The following TOM1L1 variants were observed in gnomAD, a reference collection of about 807,000 sequenced individuals.
TOM1L1 encodes TOM1-like protein 1.
In TOM1L1, 64 loss-of-function variants were observed where a neutral mutation model predicts 63.4. That is an observed-to-expected ratio of 1.01 (90% CI 0.83 to 1.24). TOM1L1 has a LOEUF of 1.24. Ranked by LOEUF, TOM1L1 falls within the 50% of genes most tolerant of loss-of-function variation. TOM1L1 has a pLI of 0.00. For missense variants in TOM1L1, 536 were observed against 567.0 expected (o/e 0.95, Z 0.55); for synonymous variants, 166 against 194.4 (o/e 0.85, Z 1.22).
intron 14 of TOM1L1, 39 bp from the exon 15 acceptor site, chr17:54,960,527 T>C (rs759020598): frequency 2.4e-5 from 37 of 1,561,132 alleles, no homozygotes; most frequent in Non-Finnish European, 2.9e-5. Flanking sequence ...CACTTTGAAA[T>C]TGATACATAA....
At position 54,913,777 on chromosome 17, in the gene TOM1L1, G is replaced by T; in HGVS notation, c.402G>T (p.Val134=). ...KTWSQGFPGG[V]DVSEVKEVYL... Reference sequence around the variant, plus strand: ...GGTCACAGGGCTTCCCAGGAGGTGTGGATGTAAGCGAAGTCAAAGAAGTAT... The same window carrying T: ...GGTCACAGGGCTTCCCAGGAGGTGTTGATGTAAGCGAAGTCAAAGAAGTAT... The change falls in exon 5 of 16, where the codon GTG becomes GTT. Residue 134 remains valine, a synonymous_variant. Coordinates refer to ENST00000575882, the MANE Select transcript of TOM1L1 (RefSeq NM_005486.3). 1 of 1,611,592 alleles carries T rather than the reference G, an allele frequency of 6.2e-7. No individual in the cohort carries two copies. The highest frequency in any genetic ancestry group is 1.1e-5 in the South Asian group (1 of 91,028).
chr17:54,903,618 C>A, intron 1 of TOM1L1, 90 bp from the exon 2 acceptor site: 2 of 1,168,974 alleles, frequency 1.7e-6, no homozygotes, highest in African/African-American at 1.5e-5. Flanking sequence ...CTTAATGACA[C>A]TTGCTGGTGC....
At chr17:54,929,980 A>C (rs1198517916) in intron 7 of TOM1L1, 93 bp from the exon 8 acceptor site, 1 of 1,507,346 alleles carries the variant, frequency 6.6e-7, no homozygotes, top group Non-Finnish European at 9.1e-7. Flanking sequence ...CTTAACGTGG[A>C]GGTGACTGTA....
intron 3 of TOM1L1, among the ~76,000 whole-genome samples, chr17:54,909,737 C>T (rs1459929289): frequency 6.6e-6 from 1 of 152,158 alleles, no homozygotes; most frequent in Non-Finnish European, 1.5e-5. Context: ...CCCAAAAGAT[C>T]AGTGAAGCCT....
chr17:54,948,867 A>AT lies in TOM1L1; in HGVS notation c.1183-641dup, dbSNP rs551957720. Among the ~76,000 whole-genome samples, 67 of 150,970 alleles carry AT rather than the reference A, an allele frequency of 4.4e-4. 1 individual carries two copies. The highest frequency in any genetic ancestry group is 2.5e-3 in the Admixed American group (37 of 15,098). ...ACTGAGTGCCTCTCTGTAGATTTAA[A>AT]TTTTTTTTTTCCTACTCAAGGCTGA... On this transcript the variant is annotated intron_variant, in intron 12 of 15. Transcript: ENST00000575882.
chr17:54,938,808 GTTTTTCTTTTTTTTTTC>G, intron 10 of TOM1L1, 99 bp from the exon 11 acceptor site: 1 of 582,534 alleles, frequency 1.7e-6, no homozygotes, highest in Admixed American at 3.6e-5. Flanking sequence ...TATTTGGTGG[GTTTTTCTTTTTTTTTTC>G]TTTTTCTTTT....
At chr17:54,913,988 A>T (rs2048541879) in intron 5 of TOM1L1, 115 bp downstream of exon 5, 1 of 1,216,398 alleles carries the variant, frequency 8.2e-7, no homozygotes, top group Non-Finnish European at 1.1e-6. Context: ...TGAAGTTATT[A>T]GAAGGATATT....
chr17:54,936,740 A>G (rs773047563), intron 9 of TOM1L1, 31 bp downstream of exon 9: 1 of 1,577,916 alleles, frequency 6.3e-7, no homozygotes, highest in South Asian at 1.2e-5. Context: ...TAAAATAAAC[A>G]ATTGAACATT....
chr17:54,922,687 G>A (rs1219576133), intron 7 of TOM1L1, among the ~76,000 whole-genome samples: 1 of 152,118 alleles, frequency 6.6e-6, no homozygotes, highest in Admixed American at 6.5e-5. Context: ...GGTCATAAAG[G>A]TCTTGATCTT....
chr17:54,921,757 T>A (rs1226034252), intron 7 of TOM1L1, among the ~76,000 whole-genome samples: 4 of 151,866 alleles, frequency 2.6e-5, no homozygotes, highest in Non-Finnish European at 5.9e-5. Context: ...ATAAAATAAA[T>A]ATACATTCAT....
rs1400196622 is a variant in TOM1L1 at position 54,900,935 on chromosome 17, CG to C, written c.58+16del. 3 of 1,613,666 alleles carry C rather than the reference CG, an allele frequency of 1.9e-6. No homozygotes were observed. The Admixed American group carries it at 5.0e-5, about 27-fold the overall frequency. On this transcript the variant is annotated intron_variant, in intron 1 of 15. Transcript: ENST00000575882. ...GGGCCACCTCATAGGTAAGGAGGCG[CG>C]GGGAGAGACGCCCAGGCAGGCAGGG...
chr17:54,932,612 G>A lies in TOM1L1; in HGVS notation c.854+2406G>A, dbSNP rs141393516. ...GTTTTTGTATTTTTAGTAGAAACGG[G>A]GTTTCACCATGTTGCCCAGGCTGGT... On this transcript the variant is annotated intron_variant, in intron 8 of 15. Transcript: ENST00000575882. Among the ~76,000 whole-genome samples, 758 of 152,204 alleles carry A rather than the reference G, an allele frequency of 5.0e-3. 3 individuals are homozygous for A. Among genetic ancestry groups the A allele is most frequent in the African/African-American group, 0.017 (705 of 41,532 alleles).
In TOM1L1 at chr17:54,913,810, C is replaced by T. The variant is rs775308823; in HGVS notation, c.435C>T (p.Asp145=). The change falls in exon 5 of 16, where the codon GAC becomes GAT. Residue 145 remains aspartate, a synonymous_variant. Coordinates refer to ENST00000575882, the MANE Select transcript of TOM1L1 (RefSeq NM_005486.3). The stretch of plus-strand genomic sequence containing the variant: ...GCGAAGTCAAAGAAGTATACCTCGA[C>T]CTGGTTAAGAAAGGCGTTCAGTTTC... ...DVSEVKEVYL[D]LVKKGVQFPP... is the part of the protein sequence containing the mutation. 1 of 1,612,580 alleles carries T rather than the reference C, an allele frequency of 6.2e-7. No homozygotes were observed. Among genetic ancestry groups the T allele is most frequent in the Non-Finnish European group, 8.5e-7 (1 of 1,179,138 alleles).
chr17:54,925,778 C>T (rs1645260045), intron 7 of TOM1L1, among the ~76,000 whole-genome samples: 2 of 152,070 alleles, frequency 1.3e-5, no homozygotes, highest in African/African-American at 2.4e-5. Context: ...GTGGCACGCT[C>T]CTATAGTCGC....
At chr17:54,939,935 T>C (rs944407966) in intron 11 of TOM1L1, among the ~76,000 whole-genome samples, 1 of 152,216 alleles carries the variant, frequency 6.6e-6, no homozygotes, top group African/African-American at 2.4e-5. Flanking sequence ...CAAGTTTGTA[T>C]AGCCAGTAAG....
intron 3 of TOM1L1, among the ~76,000 whole-genome samples, chr17:54,906,082 A>ATCAAGTGATTG (rs1296174478): frequency 2.0e-5 from 3 of 152,174 alleles, no homozygotes; most frequent in Non-Finnish European, 1.5e-5. Flanking sequence ...AGGCAGGACA[A>ATCAAGTGATTG]TCACTTGAGC....
chr17:54,957,933 A>C (rs1238653979), intron 14 of TOM1L1: 1 of 152,242 alleles, frequency 6.6e-6, no homozygotes, highest in Non-Finnish European at 1.5e-5. Flanking sequence ...AATTTGTGTT[A>C]ATGTTATGAA....
chr17:54,931,645 T>C (rs2048859890), intron 8 of TOM1L1, among the ~76,000 whole-genome samples: 1 of 151,756 alleles, frequency 6.6e-6, no homozygotes, highest in African/African-American at 2.4e-5. Context: ...TATCAAAAAA[T>C]TACAAAAATT....
At chr17:54,924,359 A>G (rs2048734616) in intron 7 of TOM1L1, among the ~76,000 whole-genome samples, 1 of 148,816 alleles carries the variant, frequency 6.7e-6, no homozygotes, top group Non-Finnish European at 1.5e-5. Flanking sequence ...TGCTCACTGC[A>G]ACCTCCGCCT....
Sources: allele counts gnomAD v4.1 joint callset (sites outside exome capture counted in the v4.1 genomes callset), GRCh38; gene constraint gnomAD v4.1.1; transcripts MANE v1.5; gene names NCBI Gene and HGNC (gene_info 2026-07-23, HGNC 2026-07-21).